Variants in NEMP2 observed in about 807,000 individuals in gnomAD.
NEMP2 encodes nuclear envelope integral membrane protein 2, also known as UPF0571 transmembrane protein.
A neutral mutation model predicts 54.2 loss-of-function variants in NEMP2; 53 were observed. The observed-to-expected ratio is 0.98, with a 90% confidence interval of 0.78 to 1.23. NEMP2 has a LOEUF of 1.23. Ranked by LOEUF, NEMP2 falls within the 50% of genes most tolerant of loss-of-function variation. NEMP2 has a pLI of 0.00. For missense variants in NEMP2, 455 were observed against 511.3 expected (o/e 0.89, Z 1.06); for synonymous variants, 197 against 190.3 (o/e 1.04, Z -0.29).
chr2:190,476,361 G>GA, the NEMP2 span, among the ~76,000 whole-genome samples: 1 of 151,876 alleles, frequency 6.6e-6, no homozygotes, highest in Non-Finnish European at 1.5e-5. Context: ...AAATTTATAA[G>GA]AAAAAAACAA....
the NEMP2 span, among the ~76,000 whole-genome samples, chr2:190,472,751 C>T: frequency 1.3e-5 from 2 of 152,124 alleles, no homozygotes; most frequent in Non-Finnish European, 2.9e-5. Context: ...CAAAGATACT[C>T]CTCGAGAAGA....
chr2:190,486,626 G>T, the NEMP2 span, among the ~76,000 whole-genome samples: 11 of 152,182 alleles, frequency 7.2e-5, no homozygotes, highest in Non-Finnish European at 1.5e-4. Context: ...GTTTTGTCCG[G>T]TTTTTTAGTT....
the NEMP2 span, among the ~76,000 whole-genome samples, chr2:190,540,006 G>A: frequency 6.6e-6 from 1 of 152,122 alleles, no homozygotes; most frequent in African/African-American, 2.4e-5. Flanking sequence ...CCAGATCTTA[G>A]AGGAAAGGGT....
chr2:190,488,804 T>C, the NEMP2 span: 2 of 1,569,316 alleles, frequency 1.3e-6, no homozygotes, highest in Non-Finnish European at 1.7e-6. The surrounding 1 kb of genome is among the most constrained non-coding windows in gnomAD (Gnocchi z 6.4). Flanking sequence ...GGAGGCGTGT[T>C]AGTCAATTAT....
At chr2:190,456,134 T>C in the NEMP2 span, among the ~76,000 whole-genome samples, 7 of 151,800 alleles carry the variant, frequency 4.6e-5, no homozygotes, top group Non-Finnish European at 1.0e-4. The surrounding 1 kb of genome is among the most constrained non-coding windows in gnomAD (Gnocchi z 5.4). Context: ...AGAGATGGGG[T>C]TTCACCATGT....
At chr2:190,497,563 G>C in the NEMP2 span, 1 of 1,614,166 alleles carries the variant, frequency 6.2e-7, no homozygotes, top group Non-Finnish European at 8.5e-7. This position sits in a 1 kb window ranked among gnomAD's most constrained non-coding sequence, Gnocchi z 5.2. Flanking sequence ...TTCCACCCAA[G>C]AAAACTAAGC....
the NEMP2 span, among the ~76,000 whole-genome samples, chr2:190,487,376 C>A: frequency 1.3e-5 from 2 of 152,138 alleles, no homozygotes; most frequent in Non-Finnish European, 2.9e-5. This position sits in a 1 kb window ranked among gnomAD's most constrained non-coding sequence, Gnocchi z 5.5. Flanking sequence ...TTGTTATATC[C>A]TTTGAATCAT....
chr2:190,639,413 G>T, the NEMP2 span, among the ~76,000 whole-genome samples: 1 of 95,092 alleles, frequency 1.1e-5, no homozygotes, highest in African/African-American at 3.7e-5. Flanking sequence ...CAAACAAGTG[G>T]ATAAAAACAA....
chr2:190,526,323 T>G (rs1336881546), intron 1 of NEMP2, among the ~76,000 whole-genome samples: 1 of 152,058 alleles, frequency 6.6e-6, no homozygotes, highest in Non-Finnish European at 1.5e-5. Context: ...CAGAGGGCAA[T>G]GAAGCCCATA....
At chr2:190,429,980 A>G in the NEMP2 span, among the ~76,000 whole-genome samples, 9 of 151,898 alleles carry the variant, frequency 5.9e-5, no homozygotes, top group Admixed American at 4.6e-4. Flanking sequence ...ATATCTCCTA[A>G]TGCTATCCCT....
Position 190,518,975 on chromosome 2 carries a change from T to G in NEMP2, c.422A>C (p.Tyr141Ser), listed in dbSNP as rs1446412045. ...ACTGTTTCGATTCACATGTATCATA[T>G]AGTTAAATATCTTCTTGACAGGCTC... ...SVEPVKKIFN[Y>S]MIHVNRNIMD... Residue 141 changes from tyrosine (Y) to serine (S), a missense_variant, in exon 3 of 9, where the codon TAT becomes TCT. Tyr to Ser is a moderately radical substitution (Grantham distance 144). This residue lies in a region of NEMP2 where 294 missense variants were observed against 333.6 expected (regional missense o/e 0.88). Transcript: ENST00000409150. 17 of 1,551,014 alleles carry G rather than the reference T, an allele frequency of 1.1e-5. No individual in the cohort carries two copies. The highest frequency in any genetic ancestry group is 1.5e-5 in the Non-Finnish European group (17 of 1,146,544).
At chr2:190,577,772 C>T in the NEMP2 span, among the ~76,000 whole-genome samples, 12 of 152,338 alleles carry the variant, frequency 7.9e-5, no homozygotes, top group African/African-American at 2.6e-4. This position sits in a 1 kb window ranked among gnomAD's most constrained non-coding sequence, Gnocchi z 4.8. Flanking sequence ...ACTCAGGAGG[C>T]TGAGGCAGGA....
chr2:190,467,531 T>C, the NEMP2 span, among the ~76,000 whole-genome samples: 1 of 152,134 alleles, frequency 6.6e-6, no homozygotes, highest in Non-Finnish European at 1.5e-5. The surrounding 1 kb of genome is among the most constrained non-coding windows in gnomAD (Gnocchi z 5.5). Context: ...GAGAATTGCT[T>C]GAACCTGGGA....
the NEMP2 span, among the ~76,000 whole-genome samples, chr2:190,576,863 G>A: frequency 1.3e-5 from 2 of 152,182 alleles, no homozygotes; most frequent in Admixed American, 6.5e-5. Context: ...GAGTAAGTAG[G>A]CACTTTATAG....
the NEMP2 span, chr2:190,435,935 T>C: frequency 6.9e-7 from 1 of 1,451,536 alleles, no homozygotes. Flanking sequence ...TTACATGTTA[T>C]GATTTTCATT....
the NEMP2 span, among the ~76,000 whole-genome samples, chr2:190,470,981 A>T: frequency 6.6e-6 from 1 of 152,180 alleles, no homozygotes; most frequent in Non-Finnish European, 1.5e-5. Flanking sequence ...TTCTGTTTAC[A>T]AATATATAGA....
In NEMP2 at chr2:190,520,279, C is replaced by T. The variant is rs1041377717; in HGVS notation, c.214-1096G>A. 6.6e-6 allele frequency among the ~76,000 whole-genome samples: 1 copy of T among 152,172 alleles called. No individual in the cohort carries two copies. The highest frequency in any genetic ancestry group is 1.9e-4 in the East Asian group (1 of 5,186). On this transcript the variant is annotated intron_variant, in intron 2 of 8. Coordinates refer to ENST00000409150, the MANE Select transcript of NEMP2 (RefSeq NM_001142645.2). The surrounding 1 kb of genome is among the most constrained non-coding windows in gnomAD (Gnocchi z 5.4). ...ATCAGCTGAGCATCTGTAATTCAGG[C>T]TTCTCTCACCATGCCTGCTAAAGGA...
At chr2:190,643,309 C>G in the NEMP2 span, among the ~76,000 whole-genome samples, 1 of 152,060 alleles carries the variant, frequency 6.6e-6, no homozygotes, top group African/African-American at 2.4e-5. Context: ...GCAGAAGCTA[C>G]TGAGGGAAGT....
At chr2:190,470,672 T>A in the NEMP2 span, among the ~76,000 whole-genome samples, 1 of 152,246 alleles carries the variant, frequency 6.6e-6, no homozygotes, top group African/African-American at 2.4e-5. Context: ...ATTGCCATTA[T>A]CATTTTCCCT....
Sources: allele counts gnomAD v4.1 joint callset (sites outside exome capture counted in the v4.1 genomes callset), GRCh38; gene constraint gnomAD v4.1.1; regional missense constraint gnomAD v4.1.1; non-coding constraint Gnocchi (gnomAD v3.1); transcripts MANE v1.5; gene names NCBI Gene and HGNC (gene_info 2026-07-23, HGNC 2026-07-21).